The following MAP4K5 variants were observed in gnomAD, a reference collection of about 807,000 sequenced individuals.
MAP4K5 encodes the protein mitogen-activated protein kinase kinase kinase kinase 5, also known as MAPK/ERK kinase kinase kinase 5.
A neutral mutation model predicts 135.6 loss-of-function variants in MAP4K5; 82 were observed. The observed-to-expected ratio is 0.60, with a 90% CI of 0.51 to 0.73. MAP4K5 has a LOEUF of 0.73. Among genes scored for constraint, MAP4K5 ranks in the 30% least tolerant of loss-of-function variants. The pLI is 0.00. For synonymous variants in MAP4K5, 347 were observed against 335.0 expected, an observed-to-expected ratio of 1.04 and a Z score of -0.39; for missense variants, 907 against 1,010.9, an observed-to-expected ratio of 0.90 and a Z score of 1.39.
At chr14:50,511,426 T>G (rs1419506691) in intron 2 of MAP4K5, among the ~76,000 whole-genome samples, 1 of 151,960 alleles carries the variant, frequency 6.6e-6, no homozygotes, top group Non-Finnish European at 1.5e-5. Context: ...AAGGGAGGAA[T>G]AGGGAGAAAT....
At chr14:50,437,852 C>G in intron 25 of MAP4K5, 42 bp downstream of exon 25, 1 of 1,204,978 alleles carries the variant, frequency 8.3e-7, no homozygotes, top group Non-Finnish European at 1.2e-6. Context: ...AAAATAAACA[C>G]TAATTCCCCT....
At chr14:50,526,431 G>C (rs1445031505) in intron 2 of MAP4K5, among the ~76,000 whole-genome samples, 1 of 152,144 alleles carries the variant, frequency 6.6e-6, no homozygotes, top group Admixed American at 6.5e-5. Flanking sequence ...AAGTAGCTGG[G>C]ATTATAGGCA....
At chr14:50,486,001 T>C in intron 4 of MAP4K5, 103 bp downstream of exon 4, 1 of 622,514 alleles carries the variant, frequency 1.6e-6, no homozygotes, top group South Asian at 2.0e-5. Context: ...CTTTGCAGTG[T>C]TTAAAAACAT....
rs901299292 is a variant in MAP4K5 at position 50,437,388 on chromosome 14, T to C, written c.1882+88A>G. 6.8e-6 allele frequency: 7 copies of C among 1,025,312 alleles called. No homozygotes were observed. The African/African-American group carries it at 8.3e-5, about 12-fold the overall frequency. The allele number at this position is 1,025,312 out of a possible 1,614,324, so 63.5% of individuals were successfully genotyped here. A position where few individuals can be genotyped will look rare whatever the true frequency, so the allele number is the denominator to read the frequency against. On this transcript the variant is annotated intron_variant, in intron 26 of 32. Transcript: ENST00000682126. ...CACAAATTTTAAAAACCTACCCTCC[T>C]TCCTATTTGATTCCATACGACTCTT...
intron 3 of MAP4K5, among the ~76,000 whole-genome samples, chr14:50,492,655 T>TA (rs1462749018): frequency 2.6e-5 from 4 of 151,410 alleles, no homozygotes; most frequent in Non-Finnish European, 5.9e-5. Context: ...AAGCAACCTA[T>TA]AGGAGAAACT....
intron 2 of MAP4K5, among the ~76,000 whole-genome samples, chr14:50,505,728 G>C (rs2037796103): frequency 6.6e-6 from 1 of 152,042 alleles, no homozygotes; most frequent in African/African-American, 2.4e-5. Flanking sequence ...CATCGACCTT[G>C]GATGTTAAAA....
chr14:50,513,228 TTAATTCA>T (rs1187660932), intron 2 of MAP4K5, among the ~76,000 whole-genome samples: 2 of 152,210 alleles, frequency 1.3e-5, no homozygotes, highest in African/African-American at 4.8e-5. Context: ...TTTTCATCTC[TTAATTCA>T]TATTTCCAAG....
chr14:50,459,901 C>T (rs928540398), intron 13 of MAP4K5, among the ~76,000 whole-genome samples: 12 of 151,902 alleles, frequency 7.9e-5, no homozygotes, highest in Admixed American at 1.3e-4. Context: ...GGTTTCGCTA[C>T]GTTGCCCAGG....
At chr14:50,526,112 C>T (rs1475752660) in intron 2 of MAP4K5, among the ~76,000 whole-genome samples, 1 of 152,182 alleles carries the variant, frequency 6.6e-6, no homozygotes, top group African/African-American at 2.4e-5. Context: ...TTCCTATCTT[C>T]TCTACCTAGA....
At chr14:50,494,896 T>A (rs1025700058) in intron 3 of MAP4K5, among the ~76,000 whole-genome samples, 2 of 152,138 alleles carry the variant, frequency 1.3e-5, no homozygotes, top group African/African-American at 4.8e-5. Flanking sequence ...AAGAATAAAG[T>A]TGGACCCCTG....
Position 50,447,468 on chromosome 14 carries a change from T to C in MAP4K5, c.1088A>G (p.Asp363Gly). Residue 363 changes from aspartate (D) to glycine (G), a missense_variant, in exon 16 of 33, where the codon GAC becomes GGC. Transcript: ENST00000682126. ...EARDEMGLSSDPNFMLQWNPF... is the reference protein window; with the variant it reads ...EARDEMGLSSGPNFMLQWNPF... ...ATTCCACTGTAACATGAAATTTGGG[T>C]CTGATGACAATCCCTGTAAAGATAA... 1 of 1,545,530 alleles carries C rather than the reference T, an allele frequency of 6.5e-7. No homozygotes were observed. The highest frequency in any genetic ancestry group is 8.8e-7 in the Non-Finnish European group (1 of 1,140,906).
At chr14:50,423,443 C>G (rs562590086) in intron 31 of MAP4K5, among the ~76,000 whole-genome samples, 1 of 151,416 alleles carries the variant, frequency 6.6e-6, no homozygotes, top group South Asian at 2.1e-4. Flanking sequence ...GAAGAAGAAA[C>G]TAAGACTCCA....
chr14:50,458,414 C>T (rs1367603820), intron 13 of MAP4K5, among the ~76,000 whole-genome samples: 1 of 152,142 alleles, frequency 6.6e-6, no homozygotes, highest in Non-Finnish European at 1.5e-5. Flanking sequence ...CTTCCAGCTA[C>T]TGCTCTATCC....
At chr14:50,457,527 C>T (rs746712387) in intron 13 of MAP4K5, among the ~76,000 whole-genome samples, 1 of 152,020 alleles carries the variant, frequency 6.6e-6, no homozygotes, top group African/African-American at 2.4e-5. Context: ...CTCATTTGTT[C>T]GCCCCTTACT....
intron 16 of MAP4K5, among the ~76,000 whole-genome samples, chr14:50,447,073 T>C (rs1311868044): frequency 6.6e-6 from 1 of 152,162 alleles, no homozygotes; most frequent in Non-Finnish European, 1.5e-5. Flanking sequence ...TAGGAACAAC[T>C]CATGAAGGCC....
chr14:50,433,009 G>A (rs2036008777), intron 28 of MAP4K5, among the ~76,000 whole-genome samples: 1 of 152,062 alleles, frequency 6.6e-6, no homozygotes, highest in African/African-American at 2.4e-5. Context: ...GGCTAAGTTT[G>A]TATTTTTAGT....
At position 50,462,776 on chromosome 14, in the gene MAP4K5, A is replaced by C. The variant is rs2036741083; in HGVS notation, c.825T>G (p.Thr275=). 1 of 1,600,332 alleles carries C rather than the reference A, an allele frequency of 6.2e-7. No homozygotes were observed. The highest frequency in any genetic ancestry group is 1.3e-5 in the African/African-American group (1 of 74,654). Residue 275 remains threonine (T), a synonymous_variant, in exon 13 of 33, where the codon ACT becomes ACG. Transcript: ENST00000682126. Reference sequence around the variant, plus strand: ...TAGAGAGACCTGGCTGTGCAACAAAAGTGTGCTAAAAGACAACAAAATGAA... The same window carrying C: ...TAGAGAGACCTGGCTGTGCAACAAACGTGTGCTAAAAGACAACAAAATGAA... ...RPTAERLLTH[T]FVAQPGLSRA...
intron 2 of MAP4K5, among the ~76,000 whole-genome samples, chr14:50,513,723 CT>C (rs2037976485): frequency 6.6e-6 from 1 of 152,184 alleles, no homozygotes; most frequent in Admixed American, 6.5e-5. Flanking sequence ...CCCCAGACAA[CT>C]TTCTCCCAGC....
chr14:50,521,336 T>C (rs58124773), intron 2 of MAP4K5, among the ~76,000 whole-genome samples: 2,224 of 152,310 alleles, frequency 0.015, 36 homozygotes, highest in African/African-American at 0.05. Context: ...GTATAGTGCC[T>C]ACAGCATGGC....
Sources: gnomAD v4.1 joint callset for allele counts (sites outside exome capture counted in the v4.1 genomes callset) on GRCh38, gnomAD v4.1.1 for gene constraint, MANE v1.5 for transcripts, NCBI Gene and HGNC (gene_info 2026-07-23, HGNC 2026-07-21) for gene names.